Variants in FMNL3 observed in about 807,000 individuals in gnomAD.
FMNL3 encodes formin-like protein 3.
FMNL3 carries 57 observed loss-of-function variants against 119.6 expected under a neutral mutation model. That is an observed-to-expected ratio of 0.48 (90% CI 0.39 to 0.59). The LOEUF (loss-of-function observed/expected upper bound fraction) is 0.59. Among genes scored for constraint, FMNL3 ranks in the 20% least tolerant of loss-of-function variants. FMNL3 has a pLI of 0.00. For missense variants in FMNL3, 1,053 were observed against 1,323.5 expected, an observed-to-expected ratio of 0.80 and a Z score of 3.17; for synonymous variants, 491 against 507.3, an observed-to-expected ratio of 0.97 and a Z score of 0.43.
chr12:49,691,363 C>T lies in FMNL3; in HGVS notation c.126+15692G>A, dbSNP rs138292664. Among the ~76,000 whole-genome samples the T allele has an allele frequency of 9.2e-3, 1,391 of 151,766 alleles. 10 individuals carry two copies. The highest frequency in any genetic ancestry group is 0.014 in the Middle Eastern group (4 of 294). On this transcript the variant is annotated intron_variant, in intron 1 of 25. Transcript: ENST00000335154. ...GTCACGGTGGTCACAGCTGCTGAAC[C>T]GACTTGACTTTGAGAAGCTGAGATG...
rs1382985383 is a variant in FMNL3, at chr12:49,707,198, A to G, written c.-18T>C. The G allele has an allele frequency of 1.3e-6, 2 of 1,507,308 alleles. No individual in the cohort carries two copies. The highest frequency in any genetic ancestry group is 5.0e-5 in the East Asian group (2 of 39,666). 93.4% of individuals were successfully genotyped at this position (1,507,308 alleles called of 1,614,324 possible). A position where few individuals can be genotyped will look rare whatever the true frequency, so the allele number is the denominator to read the frequency against. ...TTGCCCATCGCGGCGGGGCCCCCTC[A>G]GGGGCCTCGGCCCCCCACCTCCACG... On this transcript the variant is annotated 5_prime_UTR_variant, in exon 1 of 26. Coordinates refer to ENST00000335154, the MANE Select transcript of FMNL3 (RefSeq NM_175736.5).
Position 49,636,689 on chromosome 12 carries a change from C to A in FMNL3, c.*9126G>T. The stretch of plus-strand genomic sequence containing the variant: ...GAGAGGGTATCCTGCTGGGACAATG[C>A]CCGCGGAACCTCCTGCCTGTCTTTA... On this transcript the variant is annotated 3_prime_UTR_variant, in exon 26 of 26. Transcript: ENST00000335154. 6.2e-7 allele frequency: 1 copy of A among 1,612,820 alleles called. No individual in the cohort carries two copies. Among genetic ancestry groups the A allele is most frequent in the Non-Finnish European group, 8.5e-7 (1 of 1,178,978 alleles).
intron 1 of FMNL3, among the ~76,000 whole-genome samples, chr12:49,676,480 T>TA (rs1488390879): frequency 1.3e-5 from 2 of 150,612 alleles, no homozygotes; most frequent in African/African-American, 4.9e-5. Context: ...AGGACACTGA[T>TA]ACCATGGACC....
rs377672006 is a variant in FMNL3, at chr12:49,648,328, G to T, written c.2541C>A (p.Asp847Glu). Residue 847 changes from aspartate (D) to glutamate (E), a missense_variant, in exon 22 of 26, where the codon GAC becomes GAA. By Grantham distance (45) the Asp-to-Glu change is conservative. Transcript: ENST00000335154. ...CCATGCCCCGGCCCAGCTCCTTCAC[G>T]TCCAGCAGCACGTTCTCCAGGGACA... ...AAVSLENVLL[D>E]VKELGRGMEL... is the part of the protein sequence containing the mutation. 1 of 1,612,830 alleles carries T rather than the reference G, an allele frequency of 6.2e-7. No homozygotes were observed. The highest frequency in any genetic ancestry group is 1.3e-5 in the African/African-American group (1 of 74,850).
At chr12:49,650,071 C>T (rs1264995241) in intron 17 of FMNL3, 146 bp from the exon 18 acceptor site, 2 of 668,610 alleles carry the variant, frequency 3.0e-6, no homozygotes, top group Non-Finnish European at 5.1e-6. Context: ...CATCATCTGT[C>T]ACAGCACCAG....
intron 11 of FMNL3, 71 bp downstream of exon 11, chr12:49,654,116 TAAAAG>T (rs1305180065): frequency 5.6e-6 from 8 of 1,416,444 alleles, no homozygotes; most frequent in African/African-American, 4.2e-5. Context: ...TAGGCACTTA[TAAAAG>T]AAAAATCATT....
chr12:49,670,229 A>G (rs926191050), intron 1 of FMNL3, among the ~76,000 whole-genome samples: 3 of 152,244 alleles, frequency 2.0e-5, no homozygotes, highest in Non-Finnish European at 4.4e-5. Context: ...ATTATTCCAG[A>G]AGAGGCAAAC....
intron 1 of FMNL3, among the ~76,000 whole-genome samples, chr12:49,697,683 T>C (rs574705957): frequency 8.5e-5 from 13 of 152,188 alleles, no homozygotes. Context: ...AAGTGGGTAA[T>C]GTATATACAA....
chr12:49,691,720 C>A (rs1359328674), intron 1 of FMNL3, among the ~76,000 whole-genome samples: 6 of 151,390 alleles, frequency 4.0e-5, no homozygotes, highest in Non-Finnish European at 8.8e-5. Flanking sequence ...AAGAGAGGAG[C>A]CTTTTTTTTC....
intron 11 of FMNL3, among the ~76,000 whole-genome samples, 157 bp downstream of exon 11, chr12:49,654,035 G>C (rs950516445): frequency 6.6e-6 from 1 of 152,194 alleles, no homozygotes; most frequent in African/African-American, 2.4e-5. Flanking sequence ...CTGCCTGACT[G>C]GGGAGTTAGC....
intron 10 of FMNL3, among the ~76,000 whole-genome samples, 197 bp downstream of exon 10, chr12:49,654,713 T>G (rs1240051374): frequency 1.3e-5 from 2 of 152,116 alleles, no homozygotes; most frequent in Non-Finnish European, 2.9e-5. Context: ...AGGAGGTAGA[T>G]CTGATATACA....
intron 1 of FMNL3, among the ~76,000 whole-genome samples, chr12:49,701,200 TAAAAA>T (rs1332267966): frequency 1.3e-5 from 2 of 152,082 alleles, no homozygotes; most frequent in Non-Finnish European, 1.5e-5. Flanking sequence ...TCCCAATTGT[TAAAAA>T]ATATATATAC....
rs574266976 is a variant in FMNL3, at chr12:49,645,535, A to G, written c.*280T>C. 7.5e-4 allele frequency: 323 copies of G among 430,178 alleles called. 11 individuals are homozygous for G. In the South Asian group the frequency reaches 0.012, roughly 16 times the overall value. 26.6% of individuals were successfully genotyped at this position (430,178 alleles called of 1,614,324 possible). A position where few individuals can be genotyped will look rare whatever the true frequency, so the allele number is the denominator to read the frequency against. On this transcript the variant is annotated 3_prime_UTR_variant, in exon 26 of 26. Transcript: ENST00000335154. ...GAGATCTATGTGCCCTGTTTAGGCT[A>G]AGGCTGGAAATGGTTTTTCCTAGCC...
chr12:49,692,724 A>T (rs1412982931), intron 1 of FMNL3, among the ~76,000 whole-genome samples: 2 of 152,212 alleles, frequency 1.3e-5, no homozygotes, highest in African/African-American at 4.8e-5. Flanking sequence ...GTGATAAGCA[A>T]ACATAATGTC....
Position 49,650,771 on chromosome 12 carries a change from C to T in FMNL3, c.1905G>A (p.Lys635=). 1.2e-6 allele frequency: 2 copies of T among 1,614,216 alleles called. No homozygotes were observed. The highest frequency in any genetic ancestry group is 1.7e-6 in the Non-Finnish European group (2 of 1,180,032). Residue 635 remains lysine, a synonymous_variant, in exon 17 of 26, where the codon AAG becomes AAA. Transcript: ENST00000335154. ...CACGATTGGCTTCCAACAGAGTCACCTTGCTGGCAGCTTTTTGCGCTGTCT... is the reference window on the plus strand; with the variant it reads ...CACGATTGGCTTCCAACAGAGTCACTTTGCTGGCAGCTTTTTGCGCTGTCT... ...KNKTAQKAAS[K]VTLLEANRAK...
intron 1 of FMNL3, among the ~76,000 whole-genome samples, chr12:49,676,520 GTTT>G (rs58117011): frequency 2.1e-4 from 22 of 103,008 alleles, no homozygotes; most frequent in African/African-American, 5.4e-4. Flanking sequence ...TTCATAGTGG[GTTT>G]TTTTTTTTTT....
intron 1 of FMNL3, among the ~76,000 whole-genome samples, chr12:49,701,758 T>C (rs981846588): frequency 1.1e-4 from 17 of 152,074 alleles, no homozygotes; most frequent in African/African-American, 3.4e-4. Flanking sequence ...ACCCCGTCTC[T>C]ACTAAAAACA....
rs1343857757 is a variant in FMNL3 at position 49,639,670 on chromosome 12, CTG to C, written c.*6143_*6144del. ...TACATAAGATTTCTATTTTAATAAA[CTG>C]TTTCTGCTGTTTAAAAAAAAAAGGG... On this transcript the variant is annotated 3_prime_UTR_variant, in exon 26 of 26. Transcript: ENST00000335154. 6.6e-6 allele frequency: 1 copy of C among 151,780 alleles called. No individual in the cohort carries two copies. The highest frequency in any genetic ancestry group is 1.5e-5 in the Non-Finnish European group (1 of 67,982). 9.4% of individuals were successfully genotyped at this position (151,780 alleles called of 1,614,324 possible).
chr12:49,646,623 C>G, intron 25 of FMNL3: 1 of 1,493,094 alleles, frequency 6.7e-7, no homozygotes, highest in Non-Finnish European at 8.9e-7. Flanking sequence ...GAGGGGGCAG[C>G]TGCGGTGCCC....
Sources: gnomAD v4.1 joint callset for allele counts (sites outside exome capture counted in the v4.1 genomes callset) on GRCh38, gnomAD v4.1.1 for gene constraint, MANE v1.5 for transcripts, NCBI Gene and HGNC (gene_info 2026-07-23, HGNC 2026-07-21) for gene names.